RBFOX1: variants seen among roughly 807,000 people sequenced by gnomAD.
The protein encoded by RBFOX1 is RNA binding protein fox-1 homolog 1.
In RBFOX1, 8 loss-of-function variants were observed where a neutral mutation model predicts 57.7. The ratio of observed to expected loss-of-function variants is 0.14; its 90% CI spans 0.08 to 0.25. RBFOX1 has a LOEUF of 0.25. RBFOX1 is among the 10% of genes least tolerant of loss of function. The pLI, the probability that RBFOX1 is intolerant of heterozygous loss-of-function variation, is 1.00. For synonymous variants in RBFOX1, 326 were observed against 222.4 expected (o/e 1.47, Z -4.15); for missense variants, 611 against 548.5 (o/e 1.11, Z -1.14).
intron 2 of RBFOX1, among the ~76,000 whole-genome samples, chr16:5,484,706 A>G (rs924430262): frequency 1.3e-5 from 2 of 151,758 alleles, no homozygotes; most frequent in African/African-American, 4.8e-5. Context: ...AGGTCAGGAG[A>G]TCGAAACCAT....
At chr16:5,361,993 G>A (rs1284678770) in intron 1 of RBFOX1, among the ~76,000 whole-genome samples, 3 of 152,136 alleles carry the variant, frequency 2.0e-5, no homozygotes, top group Non-Finnish European at 4.4e-5. Context: ...ATTAATATCG[G>A]AATTGATTTT....
chr16:7,109,574 TG>T (rs2064262719), intron 4 of RBFOX1, among the ~76,000 whole-genome samples: 1 of 152,194 alleles, frequency 6.6e-6, no homozygotes, highest in Middle Eastern at 3.4e-3. Flanking sequence ...CAAATGATGA[TG>T]GTAGAATTTT....
intron 1 of RBFOX1, among the ~76,000 whole-genome samples, chr16:6,153,438 C>A (rs1567572424): frequency 6.6e-6 from 1 of 152,010 alleles, no homozygotes; most frequent in Non-Finnish European, 1.5e-5. Flanking sequence ...CATTTTTTTA[C>A]ATTGTTTTGT....
chr16:7,256,548 C>A (rs371517112), intron 4 of RBFOX1, among the ~76,000 whole-genome samples: 2 of 152,156 alleles, frequency 1.3e-5, no homozygotes. Flanking sequence ...ACCACACATA[C>A]ACTGTATGTC....
chr16:5,966,533 C>G (rs13338589), intron 4 of RBFOX1, among the ~76,000 whole-genome samples: 6,345 of 152,308 alleles, frequency 0.042, 426 homozygotes, highest in African/African-American at 0.14. Flanking sequence ...TCTCGGCTCA[C>G]TGCAATCTCC....
intron 4 of RBFOX1, among the ~76,000 whole-genome samples, chr16:7,160,371 TG>T (rs2078054405): frequency 6.6e-6 from 1 of 152,146 alleles, no homozygotes; most frequent in South Asian, 2.1e-4. Flanking sequence ...AACCAGACTT[TG>T]TTTCTTCTTC....
intron 3 of RBFOX1, among the ~76,000 whole-genome samples, chr16:6,695,598 C>G (rs10492839): frequency 1.3e-5 from 2 of 151,880 alleles, no homozygotes; most frequent in African/African-American, 4.8e-5. Context: ...TGAGCACTCT[C>G]AATATATTTT....
At chr16:5,681,535 C>T (rs977585863) in intron 3 of RBFOX1, among the ~76,000 whole-genome samples, 3 of 151,386 alleles carry the variant, frequency 2.0e-5, no homozygotes, top group East Asian at 1.9e-4. Flanking sequence ...ATTACAGGCA[C>T]GTGCAACCAT....
intron 3 of RBFOX1, among the ~76,000 whole-genome samples, chr16:6,807,680 G>T (rs1407885870): frequency 1.3e-5 from 2 of 152,042 alleles, no homozygotes; most frequent in Admixed American, 6.6e-5. Flanking sequence ...GCTGGGCATG[G>T]TGGCAGACGC....
At chr16:5,361,413 G>C (rs539064) in intron 1 of RBFOX1, among the ~76,000 whole-genome samples, 62,713 of 152,028 alleles carry the variant, frequency 0.41, 13,690 homozygotes, top group Non-Finnish European at 0.48. Flanking sequence ...GAAGGATAAA[G>C]CTTTGTTTTT....
At chr16:6,914,814 G>A (rs1447739126) in intron 3 of RBFOX1, among the ~76,000 whole-genome samples, 1 of 152,194 alleles carries the variant, frequency 6.6e-6, no homozygotes, top group African/African-American at 2.4e-5. Context: ...CTGAAGCCCA[G>A]GAGTTCAAGG....
At chr16:6,879,651 C>T (rs185041300) in intron 3 of RBFOX1, among the ~76,000 whole-genome samples, 48 of 152,250 alleles carry the variant, frequency 3.2e-4, no homozygotes, top group African/African-American at 1.1e-3. Context: ...CAAGTAAGGT[C>T]CAGTTGTGTT....
chr16:7,403,632 C>T (rs1256744002), intron 4 of RBFOX1, among the ~76,000 whole-genome samples: 3 of 146,132 alleles, frequency 2.1e-5, no homozygotes, highest in African/African-American at 5.0e-5. Context: ...GGGCAACCTC[C>T]GCCTCCCAAG....
intron 2 of RBFOX1, among the ~76,000 whole-genome samples, chr16:5,557,297 A>G (rs937963819): frequency 1.1e-4 from 16 of 144,412 alleles, no homozygotes; most frequent in Admixed American, 2.7e-4. Context: ...AAATAAATAA[A>G]TAAATAAAAA....
intron 4 of RBFOX1, among the ~76,000 whole-genome samples, chr16:7,443,044 C>G (rs911513013): frequency 1.3e-5 from 2 of 152,164 alleles, no homozygotes; most frequent in Admixed American, 6.5e-5. Context: ...CTTTGGGCAG[C>G]CCCATTCGTA....
chr16:6,748,418 T>A (rs1393467465), intron 3 of RBFOX1, among the ~76,000 whole-genome samples: 5 of 152,118 alleles, frequency 3.3e-5, no homozygotes, highest in Non-Finnish European at 7.4e-5. Context: ...CCCAACACTT[T>A]GGAAGGCCGA....
At chr16:7,265,844 A>T (rs1390920859) in intron 4 of RBFOX1, among the ~76,000 whole-genome samples, 1 of 151,860 alleles carries the variant, frequency 6.6e-6, no homozygotes, top group Non-Finnish European at 1.5e-5. Flanking sequence ...ATGTTGAAAT[A>T]TAACTCCCAA....
chr16:7,509,261 T>G (rs1007935816), intron 4 of RBFOX1, among the ~76,000 whole-genome samples: 1 of 152,200 alleles, frequency 6.6e-6, no homozygotes, highest in Non-Finnish European at 1.5e-5. Context: ...TATTTTTTGT[T>G]TCTTGAAGTC....
At chr16:7,591,631 C>A (rs1296484602) in intron 7 of RBFOX1, among the ~76,000 whole-genome samples, 4 of 152,162 alleles carry the variant, frequency 2.6e-5, no homozygotes, top group Admixed American at 6.5e-5. Flanking sequence ...AATCTCTTTT[C>A]TTCAGTAGCA....
Sources: allele counts gnomAD v4.1 joint callset (sites outside exome capture counted in the v4.1 genomes callset), GRCh38; gene constraint gnomAD v4.1.1; transcripts MANE v1.5; gene names NCBI Gene and HGNC (gene_info 2026-07-23, HGNC 2026-07-21).